The following DROSHA variants were observed in gnomAD, a reference collection of about 807,000 sequenced individuals.
DROSHA encodes drosha ribonuclease III.
DROSHA carries 56 observed loss-of-function variants against 181.9 expected under a neutral mutation model. The ratio of observed to expected loss-of-function variants is 0.31; its 90% confidence interval spans 0.25 to 0.38. DROSHA has a LOEUF of 0.38. Among genes scored for constraint, DROSHA ranks in the 10% least tolerant of loss-of-function variants. The pLI is 1.00. For missense variants in DROSHA, 1,218 were observed against 1,743.5 expected (o/e 0.70, Z 5.37); for synonymous variants, 524 against 591.2 (o/e 0.89, Z 1.65).
Position 31,451,931 on chromosome 5 carries a change from G to A in DROSHA, c.2575-291C>T, listed in dbSNP as rs533428774. Among the ~76,000 whole-genome samples the A allele has an allele frequency of 1.2e-3, 184 of 152,146 alleles. 1 individual carries two copies. The highest frequency in any genetic ancestry group is 6.4e-3 in the South Asian group (31 of 4,824). ...CCTCTCTGCCTCAGTTTCCTCACCCGCACAATGAGAATAATAAATATACCT... is the reference window on the plus strand; with the variant it reads ...CCTCTCTGCCTCAGTTTCCTCACCCACACAATGAGAATAATAAATATACCT... On this transcript the variant is annotated intron_variant, in intron 20 of 35. Transcript: ENST00000344624.
chr5:31,427,327 G>A (rs754276259), intron 27 of DROSHA, among the ~76,000 whole-genome samples: 1 of 152,100 alleles, frequency 6.6e-6, no homozygotes, highest in Non-Finnish European at 1.5e-5. Flanking sequence ...AATGTACTGG[G>A]TCAAACTTGA....
intron 12 of DROSHA, among the ~76,000 whole-genome samples, chr5:31,494,058 T>C (rs1032881055): frequency 1.3e-5 from 2 of 151,058 alleles, no homozygotes; most frequent in African/African-American, 2.4e-5. Context: ...AGACTCTGCC[T>C]CCCAGCTTCC....
rs188956122 is a variant in DROSHA at position 31,411,639 on chromosome 5, T to C, written c.3526-752A>G. ...CAGTTTTTCATACTGATATCCTTTT[T>C]TTTGAGACAGGCTCTTGCTCTGTTG... On this transcript the variant is annotated intron_variant, in intron 30 of 35. Coordinates refer to ENST00000344624, the MANE Select transcript of DROSHA (RefSeq NM_001382508.1). This position sits in a 1 kb window ranked among gnomAD's most constrained non-coding sequence, Gnocchi z 4.2. 1.0e-3 allele frequency among the ~76,000 whole-genome samples: 152 copies of C among 152,348 alleles called. No homozygotes were observed. The highest frequency in any genetic ancestry group is 3.5e-3 in the African/African-American group (147 of 41,588).
Position 31,526,791 on chromosome 5 carries a change from G to C in DROSHA, c.142C>G (p.Pro48Ala). 1 of 1,609,370 alleles carries C rather than the reference G, an allele frequency of 6.2e-7. No individual in the cohort carries two copies. Residue 48 changes from proline (P) to alanine (A), a missense_variant, in exon 5 of 36, where the codon CCT becomes GCT. Around this residue, in one of 8 missense-constraint regions of DROSHA, gnomAD observed 536 missense variants for 535.4 expected, o/e 1.00. Coordinates refer to ENST00000344624, the MANE Select transcript of DROSHA (RefSeq NM_001382508.1). ...NLRLLHPQQP[P>A]VQYQYEPPSA... Reference sequence around the variant, plus strand: ...GGAGGTTCATATTGATATTGCACAGGAGGCTGCTGAGGGTGAAGCAGCCTC... The same window carrying C: ...GGAGGTTCATATTGATATTGCACAGCAGGCTGCTGAGGGTGAAGCAGCCTC...
intron 6 of DROSHA, among the ~76,000 whole-genome samples, chr5:31,519,794 C>T (rs1739679170): frequency 4.6e-5 from 7 of 152,184 alleles, no homozygotes; most frequent in Admixed American, 4.6e-4. Context: ...AAGGTAAGTA[C>T]TGAGATAACC....
At chr5:31,422,488 C>T (rs1488967857) in intron 29 of DROSHA, among the ~76,000 whole-genome samples, 4 of 152,300 alleles carry the variant, frequency 2.6e-5, no homozygotes, top group East Asian at 1.9e-4. Flanking sequence ...ACACAGGCCA[C>T]ATGGCCCACA....
rs994395764 is a variant in DROSHA, at chr5:31,406,775, G to A, written c.3947+78C>T. On this transcript the variant is annotated intron_variant, in intron 34 of 35. Coordinates refer to ENST00000344624, the MANE Select transcript of DROSHA (RefSeq NM_001382508.1). ...TCTGAGTTAAAAAAGACAGATGACT[G>A]AGTTTGGAGATAGCAGCTAGGGAAT... 4.6e-6 allele frequency: 6 copies of A among 1,312,654 alleles called. No homozygotes were observed. The African/African-American group carries it at 8.8e-5, about 19-fold the overall frequency. The allele number at this position is 1,312,654 out of a possible 1,614,324, so 81.3% of individuals were successfully genotyped here. A position where few individuals can be genotyped will look rare whatever the true frequency, so the allele number is the denominator to read the frequency against.
intron 5 of DROSHA, among the ~76,000 whole-genome samples, chr5:31,523,606 A>G (rs1740159757): frequency 6.6e-6 from 1 of 152,220 alleles, no homozygotes. Flanking sequence ...CAATTACTTT[A>G]GAGTCTGAAG....
chr5:31,414,426 G>T (rs1741713485), intron 30 of DROSHA, among the ~76,000 whole-genome samples: 2 of 152,212 alleles, frequency 1.3e-5, no homozygotes, highest in South Asian at 4.1e-4. Context: ...AATGCCTCGT[G>T]TTAGAGATAG....
chr5:31,422,280 A>G (rs529112344), intron 29 of DROSHA, among the ~76,000 whole-genome samples: 5 of 152,160 alleles, frequency 3.3e-5, no homozygotes, highest in Non-Finnish European at 7.4e-5. Flanking sequence ...AACCCCAAAG[A>G]AGTAAAATTT....
intron 11 of DROSHA, 43 bp from the exon 12 acceptor site, chr5:31,495,415 A>T (rs957001021): frequency 1.0e-5 from 16 of 1,551,978 alleles, no homozygotes; most frequent in Non-Finnish European, 1.1e-5. Context: ...GTAAAGCAAG[A>T]GTACTTTTAC....
intron 5 of DROSHA, among the ~76,000 whole-genome samples, chr5:31,523,701 G>A (rs1405800202): frequency 3.9e-5 from 6 of 152,008 alleles, no homozygotes; most frequent in African/African-American, 1.4e-4. Flanking sequence ...CCAGCCAGGA[G>A]CGGTGGCTCA....
At chr5:31,502,270 CAT>C (rs1753651385) in intron 11 of DROSHA, among the ~76,000 whole-genome samples, 1 of 152,190 alleles carries the variant, frequency 6.6e-6, no homozygotes, top group African/African-American at 2.4e-5. Context: ...CTGCTGGGGC[CAT>C]ATGTTTCGGC....
In DROSHA at chr5:31,514,883, T is replaced by C; in HGVS notation, c.1290+105A>G. The C allele has an allele frequency of 9.8e-7, 1 of 1,017,170 alleles. No homozygotes were observed. The highest frequency in any genetic ancestry group is 1.4e-6 in the Non-Finnish European group (1 of 690,726). 63.0% of individuals were successfully genotyped at this position (1,017,170 alleles called of 1,614,324 possible). A position where few individuals can be genotyped will look rare whatever the true frequency, so the allele number is the denominator to read the frequency against. On this transcript the variant is annotated intron_variant, in intron 8 of 35. Coordinates refer to ENST00000344624, the MANE Select transcript of DROSHA (RefSeq NM_001382508.1). The surrounding 1 kb of genome is among the most constrained non-coding windows in gnomAD (Gnocchi z 4.4). ...AGAGATGCCGCTAAACATCCTACAA[T>C]GCATAGGGCAGTCCCCACAATCAAG...
At chr5:31,521,539 GA>G (rs1432607710) in intron 5 of DROSHA, among the ~76,000 whole-genome samples, 1 of 152,116 alleles carries the variant, frequency 6.6e-6, no homozygotes, top group Non-Finnish European at 1.5e-5. Context: ...AACCTAGAGG[GA>G]AAACTCTAAA....
chr5:31,510,402 T>C (rs554529963), intron 9 of DROSHA, among the ~76,000 whole-genome samples: 2 of 152,270 alleles, frequency 1.3e-5, no homozygotes, highest in African/African-American at 4.8e-5. Flanking sequence ...GCGTGTGGGA[T>C]GTAATGGAGG....
chr5:31,510,655 C>T (rs926452454), intron 9 of DROSHA, among the ~76,000 whole-genome samples: 1 of 152,186 alleles, frequency 6.6e-6, no homozygotes, highest in Non-Finnish European at 1.5e-5. Context: ...GGGGTACAGT[C>T]GCTGTTTCCC....
intron 16 of DROSHA, among the ~76,000 whole-genome samples, chr5:31,480,709 A>C (rs947803022): frequency 1.3e-5 from 2 of 152,224 alleles, no homozygotes; most frequent in African/African-American, 4.8e-5. Context: ...TATTATGACC[A>C]ATTAAATAAA....
intron 35 of DROSHA, among the ~76,000 whole-genome samples, chr5:31,402,721 T>C (rs1740166687): frequency 6.6e-6 from 1 of 152,108 alleles, no homozygotes; most frequent in Non-Finnish European, 1.5e-5. Flanking sequence ...GACAGGGTGG[T>C]AGGAAAAGCA....
Sources: allele counts gnomAD v4.1 joint callset (sites outside exome capture counted in the v4.1 genomes callset), GRCh38; gene constraint gnomAD v4.1.1; regional missense constraint gnomAD v4.1.1; non-coding constraint Gnocchi (gnomAD v3.1); transcripts MANE v1.5; gene names NCBI Gene and HGNC (gene_info 2026-07-23, HGNC 2026-07-21).